The following CNTN4 variants were observed in gnomAD, a reference collection of about 807,000 sequenced individuals.
The protein encoded by CNTN4 is contactin-4.
Under a neutral mutation model 122.5 loss-of-function variants are expected in CNTN4, and 77 were observed. The observed-to-expected ratio is 0.63, with a 90% CI of 0.52 to 0.76. CNTN4 has a LOEUF of 0.76. Ranked by LOEUF, CNTN4 falls within the 30% of genes least tolerant of loss-of-function variation. The probability of loss-of-function intolerance (pLI) is 0.00; values close to 1 mark genes in which losing one functional copy is unlikely to be tolerated. For missense variants in CNTN4, 1,256 were observed against 1,259.1 expected (o/e 1.00, Z 0.04); for synonymous variants, 512 against 447.0 (o/e 1.15, Z -1.83).
At chr3:2,185,991 T>A (rs559419498) in intron 2 of CNTN4, among the ~76,000 whole-genome samples, 2 of 152,310 alleles carry the variant, frequency 1.3e-5, no homozygotes, top group South Asian at 2.1e-4. Context: ...GCAGGTTTAT[T>A]ACATATGTAT....
intron 2 of CNTN4, among the ~76,000 whole-genome samples, chr3:2,196,649 C>T (rs956853800): frequency 5.3e-5 from 8 of 152,108 alleles, no homozygotes; most frequent in African/African-American, 1.9e-4. Context: ...GACAAGGGAT[C>T]TTGCTGGAAG....
chr3:2,691,486 C>T (rs990988230), intron 4 of CNTN4, among the ~76,000 whole-genome samples: 1 of 152,088 alleles, frequency 6.6e-6, no homozygotes, highest in Non-Finnish European at 1.5e-5. Context: ...TGTTGTGTGG[C>T]TCCAGGACAT....
intron 3 of CNTN4, among the ~76,000 whole-genome samples, chr3:2,384,433 A>G (rs1286556868): frequency 2.0e-5 from 3 of 152,172 alleles, no homozygotes; most frequent in Non-Finnish European, 4.4e-5. Flanking sequence ...TGTTAGATTA[A>G]ATTGTGGGGA....
chr3:2,883,088 T>C, intron 8 of CNTN4, 57 bp from the exon 9 acceptor site: 1 of 1,255,366 alleles, frequency 8.0e-7, no homozygotes, highest in Non-Finnish European at 1.2e-6. Context: ...AAATGAGTTT[T>C]ACATTTTATA....
At chr3:2,460,229 T>A (rs191222636) in intron 3 of CNTN4, among the ~76,000 whole-genome samples, 12 of 152,290 alleles carry the variant, frequency 7.9e-5, no homozygotes, top group Admixed American at 7.2e-4. Flanking sequence ...CTGGTATCCC[T>A]AGCTCAACCC....
chr3:2,758,843 A>C (rs1218522279), intron 6 of CNTN4, among the ~76,000 whole-genome samples: 1 of 152,090 alleles, frequency 6.6e-6, no homozygotes, highest in Non-Finnish European at 1.5e-5. Flanking sequence ...ATCTTTGTTA[A>C]GATACCATAC....
intron 2 of CNTN4, among the ~76,000 whole-genome samples, chr3:2,160,199 A>G (rs1389122446): frequency 1.3e-5 from 2 of 152,146 alleles, no homozygotes; most frequent in Non-Finnish European, 1.5e-5. Context: ...ATGACTCTAT[A>G]AATATGCTTT....
At chr3:2,229,719 GT>G (rs1449941317) in intron 2 of CNTN4, among the ~76,000 whole-genome samples, 2 of 152,112 alleles carry the variant, frequency 1.3e-5, no homozygotes, top group African/African-American at 2.4e-5. Flanking sequence ...ACCAGAAATT[GT>G]GCTAATTTTT....
chr3:2,745,829 A>C (rs2089719804), intron 6 of CNTN4, 132 bp downstream of exon 6: 5 of 794,882 alleles, frequency 6.3e-6, no homozygotes, highest in Non-Finnish European at 8.3e-6. Flanking sequence ...ACTCTTTTTC[A>C]CATTTTGGAA....
At chr3:2,922,373 A>G (rs2151336710) in intron 12 of CNTN4, among the ~76,000 whole-genome samples, 1 of 152,336 alleles carries the variant, frequency 6.6e-6, no homozygotes, top group Middle Eastern at 3.4e-3. Flanking sequence ...TAAAGGGTAC[A>G]AATAGGAAAA....
chr3:2,193,741 C>T (rs2037701357), intron 2 of CNTN4, among the ~76,000 whole-genome samples: 1 of 152,184 alleles, frequency 6.6e-6, no homozygotes, highest in Non-Finnish European at 1.5e-5. Flanking sequence ...ACTATGGCCC[C>T]ATAAGATTAT....
intron 3 of CNTN4, among the ~76,000 whole-genome samples, chr3:2,533,393 T>G (rs2149247969): frequency 6.6e-6 from 1 of 152,228 alleles, no homozygotes; most frequent in Non-Finnish European, 1.5e-5. Context: ...GTTTGATTTT[T>G]TGTCCTTGCG....
intron 6 of CNTN4, among the ~76,000 whole-genome samples, chr3:2,774,321 T>A (rs1238013768): frequency 6.6e-6 from 1 of 151,820 alleles, no homozygotes; most frequent in Admixed American, 6.6e-5. Context: ...CCCACCCCAA[T>A]CTCCATTTCA....
At chr3:2,405,777 C>T (rs2047015348) in intron 3 of CNTN4, among the ~76,000 whole-genome samples, 1 of 152,128 alleles carries the variant, frequency 6.6e-6, no homozygotes, top group Non-Finnish European at 1.5e-5. Flanking sequence ...AATCCCAGTA[C>T]TTTGAGAGGC....
intron 4 of CNTN4, among the ~76,000 whole-genome samples, chr3:2,655,284 G>GAA (rs1418087205): frequency 2.0e-5 from 3 of 152,236 alleles, no homozygotes; most frequent in African/African-American, 7.2e-5. Context: ...ACTGCAAAGA[G>GAA]AAGTCTTGTC....
At chr3:3,037,525 T>G in intron 18 of CNTN4, 197 bp downstream of exon 18, 1 of 696,240 alleles carries the variant, frequency 1.4e-6, no homozygotes, top group Non-Finnish European at 2.5e-6. Flanking sequence ...AAGAGTTGTT[T>G]TCTTCATTAG....
chr3:2,641,287 C>A (rs1020231772), intron 4 of CNTN4, among the ~76,000 whole-genome samples: 4 of 152,016 alleles, frequency 2.6e-5, no homozygotes, highest in Non-Finnish European at 4.4e-5. Context: ...TTGAATTTAT[C>A]TGTAAATAGA....
intron 4 of CNTN4, among the ~76,000 whole-genome samples, chr3:2,609,897 A>C (rs1454938764): frequency 6.6e-6 from 1 of 152,134 alleles, no homozygotes; most frequent in Admixed American, 6.6e-5. Context: ...AATGTCATTG[A>C]TTTCATTAGC....
intron 2 of CNTN4, among the ~76,000 whole-genome samples, chr3:2,337,797 A>G (rs2044015771): frequency 6.6e-6 from 1 of 150,528 alleles, no homozygotes; most frequent in African/African-American, 2.4e-5. Flanking sequence ...GTAATATTTG[A>G]AAAAACAAAA....
Sources: allele counts gnomAD v4.1 joint callset (sites outside exome capture counted in the v4.1 genomes callset), GRCh38; gene constraint gnomAD v4.1.1; transcripts MANE v1.5; gene names NCBI Gene and HGNC (gene_info 2026-07-23, HGNC 2026-07-21).